UACA: variants seen among roughly 807,000 people sequenced by gnomAD.
UACA encodes nuclear membrane binding protein.
A neutral mutation model predicts 160.5 loss-of-function variants in UACA; 112 were observed. That is an observed-to-expected ratio of 0.70 (90% CI 0.60 to 0.82). The LOEUF is 0.82. UACA is among the 40% of genes least tolerant of loss of function. UACA has a pLI of 0.00. For missense variants in UACA, 1,574 were observed against 1,614.6 expected, an observed-to-expected ratio of 0.97 and a Z score of 0.43; for synonymous variants, 557 against 568.4, an observed-to-expected ratio of 0.98 and a Z score of 0.29.
chr15:70,729,748 G>A (rs1566993596), intron 1 of UACA, among the ~76,000 whole-genome samples: 1 of 142,634 alleles, frequency 7.0e-6, no homozygotes, highest in Non-Finnish European at 1.5e-5. Context: ...ATTTCCATCT[G>A]AGCTTTGAAG....
At chr15:70,717,415 C>T (rs371579691) in intron 1 of UACA, among the ~76,000 whole-genome samples, 58 of 152,264 alleles carry the variant, frequency 3.8e-4, no homozygotes, top group African/African-American at 1.3e-3. Context: ...TTAGACTTTG[C>T]AGGCCATGTG....
At chr15:70,670,702 T>TCATA (rs1299021383) in intron 15 of UACA, among the ~76,000 whole-genome samples, 38 of 152,126 alleles carry the variant, frequency 2.5e-4, no homozygotes, top group African/African-American at 9.2e-4. Flanking sequence ...AAAATTATAT[T>TCATA]TTGGATTATT....
At chr15:70,770,973 T>A in the UACA span, among the ~76,000 whole-genome samples, 3 of 152,174 alleles carry the variant, frequency 2.0e-5, no homozygotes, top group East Asian at 5.8e-4. Context: ...CAAATATGAA[T>A]CACAGCAAAT....
Position 70,655,790 on chromosome 15 carries a change from A to C in UACA, c.*1266T>G, listed in dbSNP as rs1384594406. 1 of 152,238 alleles carries C rather than the reference A, an allele frequency of 6.6e-6. No homozygotes were observed. Among genetic ancestry groups the C allele is most frequent in the Non-Finnish European group, 1.5e-5 (1 of 68,038 alleles). 9.4% of individuals were successfully genotyped at this position (152,238 alleles called of 1,614,324 possible). A position where few individuals can be genotyped will look rare whatever the true frequency, so the allele number is the denominator to read the frequency against. On this transcript the variant is annotated 3_prime_UTR_variant, in exon 19 of 19. Transcript: ENST00000322954. ...TATTAAACAAAAATGGGATTTAAAA[A>C]TCTGGTTCGGGATGTTCAAAGATAA...
At chr15:70,700,944 T>C (rs1301319646) in intron 1 of UACA, among the ~76,000 whole-genome samples, 3 of 152,060 alleles carry the variant, frequency 2.0e-5, no homozygotes, top group Non-Finnish European at 4.4e-5. Context: ...AATATAATTT[T>C]ATATCTACTA....
In UACA at chr15:70,660,161, C is replaced by G. The variant is rs1896653547; in HGVS notation, c.4169G>C (p.Ser1390Thr). 1 of 1,613,336 alleles carries G rather than the reference C, an allele frequency of 6.2e-7. No homozygotes were observed. Residue 1390 changes from serine (S) to threonine (T), a missense_variant, in exon 18 of 19, where the codon AGT (serine) becomes ACT (threonine). Ser to Thr is a moderately conservative substitution (Grantham distance 58). Coordinates refer to ENST00000322954, the MANE Select transcript of UACA (RefSeq NM_018003.4). ...GAAGTAGTTCTTTACCTGTGCAGCA[C>G]TAAGAAGGTGTGTCCGATAAATTGC... ...VIAIYRTHLL[S>T]AAQGHMDEDV...
At chr15:70,693,940 TAG>T (rs1898033133) in intron 3 of UACA, among the ~76,000 whole-genome samples, 1 of 152,194 alleles carries the variant, frequency 6.6e-6, no homozygotes, top group South Asian at 2.1e-4. Context: ...TTGGTCTTCT[TAG>T]AATCTGATGT....
intron 1 of UACA, among the ~76,000 whole-genome samples, chr15:70,746,046 G>C (rs750539212): frequency 6.6e-6 from 1 of 152,154 alleles, no homozygotes; most frequent in Non-Finnish European, 1.5e-5. Flanking sequence ...AGAGAATCTA[G>C]GCAATACCAT....
intron 13 of UACA, among the ~76,000 whole-genome samples, chr15:70,672,229 A>T (rs1238571765): frequency 6.6e-6 from 1 of 152,190 alleles, no homozygotes; most frequent in Non-Finnish European, 1.5e-5. Flanking sequence ...AAAAGCAGCC[A>T]AGTGTTTTAA....
At chr15:70,768,748 G>A in the UACA span, among the ~76,000 whole-genome samples, 1 of 152,288 alleles carries the variant, frequency 6.6e-6, no homozygotes, top group Non-Finnish European at 1.5e-5. Context: ...TATGTGCAAT[G>A]AGCCGAAAAA....
chr15:70,688,147 C>G (rs1398458779), intron 5 of UACA, among the ~76,000 whole-genome samples: 2 of 152,130 alleles, frequency 1.3e-5, no homozygotes, highest in Non-Finnish European at 2.9e-5. Flanking sequence ...ATGGCTATAA[C>G]TGACTTGATC....
At chr15:70,756,480 C>G (rs781398435) in intron 1 of UACA, among the ~76,000 whole-genome samples, 14 of 152,012 alleles carry the variant, frequency 9.2e-5, no homozygotes, top group Non-Finnish European at 1.9e-4. Flanking sequence ...GTTACTAACT[C>G]AAGACCAATC....
Position 70,664,758 on chromosome 15 carries a change from G to C in UACA, c.4017C>G (p.Ser1339=), listed in dbSNP as rs535745285. Residue 1339 remains serine (S), a synonymous_variant, in exon 17 of 19, where the codon TCC becomes TCG. Transcript: ENST00000322954. ...ERLKQALNGL[S]QLTYTSGNPT... ...GGTTCCCACTTGTGTAGGTGAGTTG[G>C]GAAAGGCCATTGAGTGCCTGTTTTA... 85 of 1,613,412 alleles carry C rather than the reference G, an allele frequency of 5.3e-5. No homozygotes were observed. Among genetic ancestry groups the C allele is most frequent in the Non-Finnish European group, 6.9e-5 (81 of 1,179,798 alleles).
intron 1 of UACA, chr15:70,749,293 G>A (rs1434335676): frequency 1.0e-5 from 4 of 382,736 alleles, no homozygotes; most frequent in African/African-American, 2.1e-5. Flanking sequence ...TTGGGAGGCC[G>A]AAGTGGGCGG....
intron 1 of UACA, among the ~76,000 whole-genome samples, chr15:70,752,240 A>G (rs1446741198): frequency 2.0e-5 from 2 of 98,060 alleles, no homozygotes; most frequent in African/African-American, 1.4e-4. Context: ...ACTCCATCAA[A>G]AAAAAAAAAA....
At chr15:70,749,974 A>G (rs987374523) in intron 1 of UACA, among the ~76,000 whole-genome samples, 1 of 152,166 alleles carries the variant, frequency 6.6e-6, no homozygotes, top group African/African-American at 2.4e-5. Flanking sequence ...CAGGGACTGA[A>G]CAGTGCATCA....
At chr15:70,701,079 G>A (rs1284558478) in intron 1 of UACA, among the ~76,000 whole-genome samples, 1 of 151,962 alleles carries the variant, frequency 6.6e-6, no homozygotes, top group Non-Finnish European at 1.5e-5. Context: ...ATGAAAAAAA[G>A]ACAAATACAT....
chr15:70,767,627 G>A (rs72755489), upstream of UACA, among the ~76,000 whole-genome samples: 27,506 of 151,712 alleles, frequency 0.18, 3,791 homozygotes, highest in African/African-American at 0.39. Flanking sequence ...TCTAAAATTT[G>A]CACATAAAAT....
At chr15:70,738,122 T>C (rs1373693329) in intron 1 of UACA, among the ~76,000 whole-genome samples, 2 of 152,170 alleles carry the variant, frequency 1.3e-5, no homozygotes, top group East Asian at 1.9e-4. Flanking sequence ...TAAAAGACTA[T>C]AGAAAAAGGC....
Sources: gnomAD v4.1 joint callset for allele counts (sites outside exome capture counted in the v4.1 genomes callset) on GRCh38, gnomAD v4.1.1 for gene constraint, MANE v1.5 for transcripts, NCBI Gene and HGNC (gene_info 2026-07-23, HGNC 2026-07-21) for gene names.